The following KCNJ12 variants were observed in gnomAD, a reference collection of about 807,000 sequenced individuals.
The protein encoded by KCNJ12 is ATP-sensitive inward rectifier potassium channel 12.
In KCNJ12, 2 loss-of-function variants were observed where a neutral mutation model predicts 22.3. The observed-to-expected ratio is 0.09, with a 90% CI of 0.04 to 0.28. The LOEUF (loss-of-function observed/expected upper bound fraction) is 0.28. Among genes scored for constraint, KCNJ12 ranks in the 10% least tolerant of loss-of-function variants. The pLI is 1.00. For synonymous variants in KCNJ12, 117 were observed against 261.4 expected, an observed-to-expected ratio of 0.45 and a Z score of 5.33; for missense variants, 155 against 633.3, an observed-to-expected ratio of 0.24 and a Z score of 8.11.
intron 1 of KCNJ12, among the ~76,000 whole-genome samples, chr17:21,385,810 G>A (rs1168828755): frequency 6.6e-6 from 1 of 152,256 alleles, no homozygotes; most frequent in Admixed American, 6.5e-5. Flanking sequence ...CTGCCGCTGG[G>A]TGGGGATGCC....
intron 1 of KCNJ12, among the ~76,000 whole-genome samples, chr17:21,398,680 C>A (rs1413523473): frequency 6.6e-6 from 1 of 152,246 alleles, no homozygotes; most frequent in Non-Finnish European, 1.5e-5. Flanking sequence ...AAACTCCCTA[C>A]TCCCAAATCC....
At chr17:21,407,356 C>A (rs1266280850) in intron 1 of KCNJ12, among the ~76,000 whole-genome samples, 5 of 152,278 alleles carry the variant, frequency 3.3e-5, no homozygotes, top group Non-Finnish European at 7.3e-5. Context: ...CATCACCCAA[C>A]ATTCCATCCA....
At chr17:21,393,763 T>C (rs1555559593) in intron 1 of KCNJ12, among the ~76,000 whole-genome samples, 1 of 152,166 alleles carries the variant, frequency 6.6e-6, no homozygotes, top group Admixed American at 6.5e-5. Context: ...TTCAATCCCA[T>C]GTGTTTGACA....
At chr17:21,381,252 G>T (rs1038397189) in intron 1 of KCNJ12, among the ~76,000 whole-genome samples, 25 of 152,104 alleles carry the variant, frequency 1.6e-4, no homozygotes, top group African/African-American at 6.0e-4. Flanking sequence ...TGCAGCCCAG[G>T]CCTCTTTGAA....
intron 1 of KCNJ12, among the ~76,000 whole-genome samples, chr17:21,392,425 C>T (rs1905232263): frequency 6.6e-6 from 1 of 152,238 alleles, no homozygotes; most frequent in African/African-American, 2.4e-5. Flanking sequence ...AAGGACACGC[C>T]CCCCAACAGG....
intron 1 of KCNJ12, among the ~76,000 whole-genome samples, chr17:21,400,380 C>G (rs73981185): frequency 2.6e-5 from 4 of 152,410 alleles, no homozygotes; most frequent in Admixed American, 6.5e-5. Context: ...CTGGCCTCGA[C>G]TCCCTCCTCC....
chr17:21,380,561 G>C (rs1904828994), intron 1 of KCNJ12, among the ~76,000 whole-genome samples: 1 of 152,122 alleles, frequency 6.6e-6, no homozygotes, highest in Non-Finnish European at 1.5e-5. Context: ...AGAGTGCTCA[G>C]GATGGGGCAG....
intron 1 of KCNJ12, among the ~76,000 whole-genome samples, chr17:21,395,564 T>A (rs1905329606): frequency 2.5e-5 from 2 of 79,214 alleles, no homozygotes; most frequent in East Asian, 2.7e-4. Flanking sequence ...GCGAGACTTC[T>A]TCTCAAAAAA....
At chr17:21,391,747 G>A (rs1332951117) in intron 1 of KCNJ12, among the ~76,000 whole-genome samples, 4 of 152,226 alleles carry the variant, frequency 2.6e-5, no homozygotes, top group African/African-American at 4.8e-5. Flanking sequence ...CTTGGGGTCT[G>A]TGGGCACCTG....
At chr17:21,410,931 T>C (rs1170817049) in intron 2 of KCNJ12, among the ~76,000 whole-genome samples, 1 of 152,308 alleles carries the variant, frequency 6.6e-6, no homozygotes, top group African/African-American at 2.4e-5. Flanking sequence ...TAGTAAGCAC[T>C]TGATAGATAC....
At chr17:21,393,730 C>T (rs1905264818) in intron 1 of KCNJ12, among the ~76,000 whole-genome samples, 1 of 152,226 alleles carries the variant, frequency 6.6e-6, no homozygotes, top group Non-Finnish European at 1.5e-5. Flanking sequence ...ACAGATGAAA[C>T]CACAGGGGCC....
At chr17:21,381,068 G>A (rs955659002) in intron 1 of KCNJ12, among the ~76,000 whole-genome samples, 4 of 152,212 alleles carry the variant, frequency 2.6e-5, no homozygotes, top group African/African-American at 9.7e-5. Flanking sequence ...CCAGATAGGA[G>A]TGGGAACCCC....
At chr17:21,378,631 G>A (rs1904756607) in intron 1 of KCNJ12, among the ~76,000 whole-genome samples, 1 of 152,258 alleles carries the variant, frequency 6.6e-6, no homozygotes, top group Non-Finnish European at 1.5e-5. Context: ...CTGGAGGGCC[G>A]CTGTAGGCAT....
At position 21,380,642 on chromosome 17, in the gene KCNJ12, A is replaced by G. The variant is rs573406806; in HGVS notation, c.-179+3729A>G. ...GAGGGGCTGGTCTCAGTAGAAATGG[A>G]CGTGTGGAGAGGGGGATCTGGGAAG... is the stretch of plus-strand genomic sequence containing the variant. On this transcript the variant is annotated intron_variant, in intron 1 of 2. Coordinates refer to ENST00000583088, the MANE Select transcript of KCNJ12 (RefSeq NM_021012.5). 1.3e-4 allele frequency among the ~76,000 whole-genome samples: 19 copies of G among 151,544 alleles called. No individual in the cohort carries two copies. The South Asian group carries it at 3.6e-3, about 28-fold the overall frequency.
At chr17:21,383,948 C>T (rs962017657) in intron 1 of KCNJ12, among the ~76,000 whole-genome samples, 30 of 152,212 alleles carry the variant, frequency 2.0e-4, no homozygotes, top group African/African-American at 6.7e-4. Flanking sequence ...TATGTGCTCA[C>T]AGTAAAGTGA....
chr17:21,410,013 A>G (rs1345334421), intron 2 of KCNJ12, among the ~76,000 whole-genome samples: 5 of 152,094 alleles, frequency 3.3e-5, no homozygotes, highest in African/African-American at 1.2e-4. Context: ...AGACATAGGA[A>G]TGCCACCCAC....
At chr17:21,402,838 C>A (rs1905704264) in intron 1 of KCNJ12, among the ~76,000 whole-genome samples, 1 of 152,304 alleles carries the variant, frequency 6.6e-6, no homozygotes, top group African/African-American at 2.4e-5. Flanking sequence ...GCAAGGCAGG[C>A]CTGGAGGGCT....
At chr17:21,391,839 G>A (rs1905219026) in intron 1 of KCNJ12, among the ~76,000 whole-genome samples, 1 of 152,220 alleles carries the variant, frequency 6.6e-6, no homozygotes, top group Non-Finnish European at 1.5e-5. Context: ...ACTAGAAGGG[G>A]GACAGGCTGA....
intron 1 of KCNJ12, among the ~76,000 whole-genome samples, chr17:21,391,737 C>T (rs562011551): frequency 1.7e-4 from 26 of 152,328 alleles, no homozygotes; most frequent in African/African-American, 5.5e-4. Flanking sequence ...TGACATCTCC[C>T]TTGGGGTCTG....
Sources: allele counts gnomAD v4.1 joint callset (sites outside exome capture counted in the v4.1 genomes callset), GRCh38; gene constraint gnomAD v4.1.1; transcripts MANE v1.5; gene names NCBI Gene and HGNC (gene_info 2026-07-23, HGNC 2026-07-21).